Variants in WWOX observed in about 807,000 individuals in gnomAD.
WWOX encodes the protein WW domain-containing oxidoreductase.
WWOX carries 69 observed loss-of-function variants against 46.2 expected under a neutral mutation model. That is an observed-to-expected ratio of 1.49 (90% CI 1.23 to 1.82). The LOEUF (loss-of-function observed/expected upper bound fraction) is 1.82. Ranked by LOEUF, WWOX falls within the 40% of genes most tolerant of loss-of-function variation. The probability of loss-of-function intolerance (pLI) is 0.00; values close to 1 mark genes in which losing one functional copy is unlikely to be tolerated. For synonymous variants in WWOX, 359 were observed against 202.6 expected (o/e 1.77, Z -6.56); for missense variants, 919 against 542.6 (o/e 1.69, Z -6.89).
At chr16:78,106,929 T>A (rs950962168) in intron 1 of WWOX, among the ~76,000 whole-genome samples, 8 of 152,166 alleles carry the variant, frequency 5.3e-5, no homozygotes, top group African/African-American at 1.2e-4. Context: ...GCTGCTCAGG[T>A]CTTCAGCGTG....
chr16:79,032,979 C>G (rs1226666023), intron 8 of WWOX, among the ~76,000 whole-genome samples: 2 of 151,558 alleles, frequency 1.3e-5, no homozygotes, highest in East Asian at 1.9e-4. Flanking sequence ...TCTATGTGCT[C>G]TCATCATTTA....
At chr16:78,610,083 G>C (rs974939773) in intron 8 of WWOX, among the ~76,000 whole-genome samples, 10 of 152,034 alleles carry the variant, frequency 6.6e-5, no homozygotes, top group African/African-American at 2.4e-4. Context: ...CTTCAGCAAG[G>C]TTTCTTTGCT....
At chr16:78,862,582 C>T (rs2043914394) in intron 8 of WWOX, among the ~76,000 whole-genome samples, 1 of 151,914 alleles carries the variant, frequency 6.6e-6, no homozygotes, top group Admixed American at 6.6e-5. Context: ...GACATCGAAA[C>T]CCAGGACAAC....
chr16:78,218,545 C>T (rs888973391), intron 5 of WWOX, among the ~76,000 whole-genome samples: 1 of 152,002 alleles, frequency 6.6e-6, no homozygotes, highest in African/African-American at 2.4e-5. Context: ...TAAAATTTAC[C>T]GCCAACCCAC....
intron 4 of WWOX, among the ~76,000 whole-genome samples, chr16:78,126,014 C>T (rs1374451578): frequency 6.6e-6 from 1 of 152,078 alleles, no homozygotes; most frequent in Non-Finnish European, 1.5e-5. Flanking sequence ...TAATATTTAG[C>T]ATGTATGATT....
chr16:78,911,233 AT>A (rs1053667523), intron 8 of WWOX, among the ~76,000 whole-genome samples: 2 of 151,908 alleles, frequency 1.3e-5, no homozygotes, highest in African/African-American at 4.8e-5. Context: ...TTCCAGAGCA[AT>A]TTTGGTGATT....
In WWOX at chr16:78,588,751, C is replaced by A. The variant is rs567329199; in HGVS notation, c.1056+155999C>A. On this transcript the variant is annotated intron_variant, in intron 8 of 8. Coordinates refer to ENST00000566780, the MANE Select transcript of WWOX (RefSeq NM_016373.4). The stretch of plus-strand genomic sequence containing the variant: ...ATTGACGTAGCATCACTTTATTGAG[C>A]AGCTACTATGTACCAAACACTTAGC... Among the ~76,000 whole-genome samples, 5 of 152,280 alleles carry A rather than the reference C, an allele frequency of 3.3e-5. No individual in the cohort carries two copies. In the South Asian group the frequency reaches 1.0e-3, roughly 32 times the overall value.
chr16:78,460,650 G>A (rs768453466), intron 8 of WWOX, among the ~76,000 whole-genome samples: 4 of 152,210 alleles, frequency 2.6e-5, no homozygotes, highest in Non-Finnish European at 4.4e-5. Context: ...TGTGGCAGAC[G>A]TGTCCAATGA....
chr16:78,522,143 TAAAA>T (rs76799048), intron 8 of WWOX, among the ~76,000 whole-genome samples: 1 of 136,704 alleles, frequency 7.3e-6, no homozygotes, highest in Admixed American at 7.4e-5. Flanking sequence ...TGGAAGGCTT[TAAAA>T]AAAAAAAAAA....
At chr16:78,458,962 C>A (rs868561908) in intron 8 of WWOX, among the ~76,000 whole-genome samples, 3 of 152,090 alleles carry the variant, frequency 2.0e-5, no homozygotes, top group African/African-American at 7.2e-5. Flanking sequence ...AATTTACTTC[C>A]GTCACAAAAC....
intron 8 of WWOX, among the ~76,000 whole-genome samples, chr16:78,997,163 A>C (rs998766032): frequency 6.6e-6 from 1 of 151,104 alleles, no homozygotes; most frequent in Non-Finnish European, 1.5e-5. Context: ...GGGGGGTGCT[A>C]TTTTCCGGGG....
At position 78,347,953 on chromosome 16, in the gene WWOX, G is replaced by A. The variant is rs765378855; in HGVS notation, c.517-38907G>A. 6.5e-5 allele frequency among the ~76,000 whole-genome samples: 8 copies of A among 122,140 alleles called. 1 individual carries two copies. The highest frequency in any genetic ancestry group is 4.8e-4 in the South Asian group (2 of 4,132). The allele number at this position is 122,140 out of a possible 152,430, so 80.1% of individuals were successfully genotyped here. A position where few individuals can be genotyped will look rare whatever the true frequency, so the allele number is the denominator to read the frequency against. On this transcript the variant is annotated intron_variant, in intron 5 of 8. Transcript: ENST00000566780. Reference sequence around the variant, plus strand: ...ATTCTGTTTAACGGTATGAAGGCTCGCCTGAAAGGCCAAGAGTAAGATTCT... The same window carrying A: ...ATTCTGTTTAACGGTATGAAGGCTCACCTGAAAGGCCAAGAGTAAGATTCT...
intron 8 of WWOX, among the ~76,000 whole-genome samples, chr16:78,444,731 G>A (rs2083519373): frequency 6.6e-6 from 1 of 151,892 alleles, no homozygotes; most frequent in Middle Eastern, 3.4e-3. Context: ...GAGGTTTCAC[G>A]GTGTTAGCCA....
intron 8 of WWOX, among the ~76,000 whole-genome samples, chr16:78,726,319 G>C (rs530584142): frequency 6.6e-6 from 1 of 151,624 alleles, no homozygotes; most frequent in Non-Finnish European, 1.5e-5. Context: ...CAACCTCCTG[G>C]GGTCAAGTGA....
intron 8 of WWOX, among the ~76,000 whole-genome samples, chr16:79,036,266 C>A (rs79293132): frequency 2.6e-5 from 4 of 152,160 alleles, no homozygotes; most frequent in Admixed American, 6.5e-5. Context: ...TACTTTTTGC[C>A]CTGACTCCCA....
chr16:79,148,062 A>C (rs1043385941), intron 8 of WWOX, among the ~76,000 whole-genome samples: 1 of 152,190 alleles, frequency 6.6e-6, no homozygotes, highest in Non-Finnish European at 1.5e-5. Context: ...TTGCAAAATA[A>C]AAGTATTTAG....
chr16:78,740,731 A>G (rs556146591), intron 8 of WWOX, among the ~76,000 whole-genome samples: 5 of 152,258 alleles, frequency 3.3e-5, no homozygotes, highest in East Asian at 1.9e-4. Flanking sequence ...GAAGCATTCA[A>G]TTTGACACAC....
intron 8 of WWOX, among the ~76,000 whole-genome samples, chr16:78,819,045 C>T (rs563459734): frequency 2.6e-5 from 4 of 152,276 alleles, no homozygotes; most frequent in South Asian, 2.1e-4. Context: ...GAAACGATAA[C>T]GGCGAAGCAC....
chr16:78,630,479 A>T (rs2046402074), intron 8 of WWOX, among the ~76,000 whole-genome samples: 2 of 152,178 alleles, frequency 1.3e-5, no homozygotes. Context: ...GCCAACTTCC[A>T]ATAAAAACTG....
Sources: allele counts gnomAD v4.1 joint callset (sites outside exome capture counted in the v4.1 genomes callset), GRCh38; gene constraint gnomAD v4.1.1; transcripts MANE v1.5; gene names NCBI Gene and HGNC (gene_info 2026-07-23, HGNC 2026-07-21).